ADAM23: variants seen among roughly 807,000 people sequenced by gnomAD.
The protein encoded by ADAM23 is disintegrin and metalloproteinase domain-containing protein 23.
In ADAM23, 33 loss-of-function variants were observed where a neutral mutation model predicts 120.1. The ratio of observed to expected loss-of-function variants is 0.27; its 90% CI spans 0.21 to 0.37. The LOEUF is 0.37. ADAM23 is among the 10% of genes least tolerant of loss of function. The probability of loss-of-function intolerance (pLI) is 1.00; values close to 1 mark genes in which losing one functional copy is unlikely to be tolerated. For missense variants in ADAM23, 862 were observed against 1,058.2 expected (o/e 0.81, Z 2.57); for synonymous variants, 367 against 375.2 (o/e 0.98, Z 0.25).
At chr2:206,601,784 A>AG (rs1574560314) in intron 24 of ADAM23, among the ~76,000 whole-genome samples, 1 of 152,006 alleles carries the variant, frequency 6.6e-6, no homozygotes, top group African/African-American at 2.4e-5. Flanking sequence ...AAAAAAAAAA[A>AG]AAAAAGCTGA....
At chr2:206,462,075 G>T (rs543090844) in intron 2 of ADAM23, among the ~76,000 whole-genome samples, 2 of 152,074 alleles carry the variant, frequency 1.3e-5, no homozygotes, top group African/African-American at 2.4e-5. Context: ...CTGATTTGCC[G>T]CCAGGAAGTC....
At chr2:206,477,897 A>ATATATATATATATATATATATATAT (rs1553548673) in intron 2 of ADAM23, among the ~76,000 whole-genome samples, 25 of 93,536 alleles carry the variant, frequency 2.7e-4, no homozygotes, top group African/African-American at 8.8e-4. Flanking sequence ...AAAAAAAAAA[A>ATATATATATATATATATATATATAT]ATATATATAT....
intron 22 of ADAM23, 103 bp from the exon 23 acceptor site, chr2:206,594,634 A>G: frequency 7.6e-7 from 1 of 1,313,670 alleles, no homozygotes; most frequent in Non-Finnish European, 1.1e-6. Context: ...AGAAATCCAC[A>G]TCCACTGACA....
chr2:206,476,378 G>T (rs1410145553), intron 2 of ADAM23, among the ~76,000 whole-genome samples: 1 of 152,094 alleles, frequency 6.6e-6, no homozygotes, highest in Admixed American at 6.5e-5. Flanking sequence ...CAACTTCCAG[G>T]TCACATTGAT....
At chr2:206,545,698 T>C (rs1697384335) in intron 6 of ADAM23, among the ~76,000 whole-genome samples, 1 of 152,172 alleles carries the variant, frequency 6.6e-6, no homozygotes, top group Non-Finnish European at 1.5e-5. Context: ...ATAAAAATTA[T>C]CAGGTAATGA....
At chr2:206,484,824 G>C (rs1404044446) in intron 3 of ADAM23, among the ~76,000 whole-genome samples, 2 of 152,152 alleles carry the variant, frequency 1.3e-5, no homozygotes, top group Non-Finnish European at 2.9e-5. Flanking sequence ...CCAGTGGGAG[G>C]TAACTGAATC....
rs780712056 is a variant in ADAM23, at chr2:206,445,474, C to T, written c.382C>T (p.Pro128Ser). Reference sequence around the variant, plus strand: ...TTACATCAACCAAGACTCGGAAAGCCCTTATCACGTTCTTGACACAAAGGC... The same window carrying T: ...TTACATCAACCAAGACTCGGAAAGCTCTTATCACGTTCTTGACACAAAGGC... ...IYYINQDSES[P>S]YHVLDTKARH... Residue 128 changes from proline (P) to serine (S), a missense_variant, in exon 2 of 26, where the codon CCT becomes TCT. Pro to Ser is a moderately conservative substitution (Grantham distance 74). Coordinates refer to ENST00000264377, the MANE Select transcript of ADAM23 (RefSeq NM_003812.4). The T allele has an allele frequency of 6.2e-7, 1 of 1,613,992 alleles. No homozygotes were observed.
chr2:206,488,217 C>T (rs1360065470), intron 3 of ADAM23, among the ~76,000 whole-genome samples: 4 of 152,168 alleles, frequency 2.6e-5, no homozygotes, highest in Non-Finnish European at 4.4e-5. Flanking sequence ...TTGAGCTTCT[C>T]GTTTGCGTAA....
intron 15 of ADAM23, 32 bp downstream of exon 15, chr2:206,567,354 A>G (rs752259665): frequency 3.2e-6 from 5 of 1,557,718 alleles, no homozygotes; most frequent in Non-Finnish European, 4.4e-6. Context: ...CTAAGAAAGT[A>G]TATTATTTCT....
At chr2:206,513,919 A>G (rs141260848) in intron 3 of ADAM23, among the ~76,000 whole-genome samples, 6 of 152,354 alleles carry the variant, frequency 3.9e-5, no homozygotes, top group African/African-American at 1.4e-4. Context: ...GGGTGACAGC[A>G]CATCTGTTTA....
chr2:206,463,081 G>T (rs1371855409), intron 2 of ADAM23, among the ~76,000 whole-genome samples: 1 of 152,176 alleles, frequency 6.6e-6, no homozygotes, highest in East Asian at 1.9e-4. Context: ...TTGGATTATT[G>T]TAGGCTAGAA....
chr2:206,553,557 C>T (rs1456096590), intron 9 of ADAM23, among the ~76,000 whole-genome samples: 1 of 152,092 alleles, frequency 6.6e-6, no homozygotes, highest in Non-Finnish European at 1.5e-5. Flanking sequence ...ATTCCTTTTG[C>T]TTTAAGACAG....
Position 206,617,848 on chromosome 2 carries a change from G to A in ADAM23, c.*221G>A, listed in dbSNP as rs954784247. The A allele has an allele frequency of 1.5e-5, 14 of 923,430 alleles. No individual in the cohort carries two copies. The highest frequency in any genetic ancestry group is 1.5e-4 in the Admixed American group (4 of 26,514). 57.2% of individuals were successfully genotyped at this position (923,430 alleles called of 1,614,324 possible). A position where few individuals can be genotyped will look rare whatever the true frequency, so the allele number is the denominator to read the frequency against. ...ACCACCTGTCAGTAAACGGGGGAGG[G>A]GGCAAAAGACCATGCTATAAAAAGA... On this transcript the variant is annotated 3_prime_UTR_variant, in exon 26 of 26. Coordinates refer to ENST00000264377, the MANE Select transcript of ADAM23 (RefSeq NM_003812.4).
At chr2:206,512,319 A>G (rs1388105035) in intron 3 of ADAM23, among the ~76,000 whole-genome samples, 1 of 152,242 alleles carries the variant, frequency 6.6e-6, no homozygotes, top group Non-Finnish European at 1.5e-5. Flanking sequence ...AGACACAGAA[A>G]AAAGGAAAAA....
chr2:206,562,217 G>A lies in ADAM23; in HGVS notation c.1269G>A (p.Met423Ile). The change falls in exon 13 of 26, where the codon ATG becomes ATA. Residue 423 changes from methionine (M) to isoleucine (I), a missense_variant. Around this residue, in one of 4 missense-constraint regions of ADAM23, gnomAD observed 617 missense variants for 813.5 expected, o/e 0.76. Transcript: ENST00000264377. ...GVGVNEYGLP[M>I]AVAQVLSQSL... ...CTGAAAAACAGTATGGTCTTCCAAT[G>A]GCAGTGGCACAAGTATTATCGCAGA... 1 of 1,613,932 alleles carries A rather than the reference G, an allele frequency of 6.2e-7. No homozygotes were observed. Among genetic ancestry groups the A allele is most frequent in the Non-Finnish European group, 8.5e-7 (1 of 1,179,870 alleles).
intron 3 of ADAM23, among the ~76,000 whole-genome samples, chr2:206,522,531 T>A (rs535521258): frequency 1.3e-5 from 2 of 152,164 alleles, no homozygotes; most frequent in African/African-American, 2.4e-5. Flanking sequence ...AAAACTGGAC[T>A]TGGAAGAGAG....
At chr2:206,480,443 G>GT (rs1695873036) in intron 2 of ADAM23, among the ~76,000 whole-genome samples, 1 of 150,938 alleles carries the variant, frequency 6.6e-6, no homozygotes, top group Non-Finnish European at 1.5e-5. Flanking sequence ...CAGTGTAGGT[G>GT]TTTCATTTAG....
chr2:206,553,624 T>C (rs1332341668), intron 9 of ADAM23, among the ~76,000 whole-genome samples: 1 of 152,196 alleles, frequency 6.6e-6, no homozygotes, highest in Admixed American at 6.5e-5. Context: ...TAAGAATTTT[T>C]TTTTTGAGAG....
In ADAM23 at chr2:206,565,002, A is replaced by G. The variant is rs748135201; in HGVS notation, c.1346-18A>G. 3.1e-6 allele frequency: 5 copies of G among 1,612,824 alleles called. No homozygotes were observed. The highest frequency in any genetic ancestry group is 4.2e-6 in the Non-Finnish European group (5 of 1,179,452). On this transcript the variant is annotated intron_variant, in intron 13 of 25. Transcript: ENST00000264377. ...GTTTCCTTTTTCTTCTGTTGCTTTT[A>G]TTGTTTTATTGGACCAGAATGTGAC...
Sources: gnomAD v4.1 joint callset for allele counts (sites outside exome capture counted in the v4.1 genomes callset) on GRCh38, gnomAD v4.1.1 for gene constraint, gnomAD v4.1.1 regional missense constraint, MANE v1.5 for transcripts, NCBI Gene and HGNC (gene_info 2026-07-23, HGNC 2026-07-21) for gene names.